Variants in CHRNA7 observed in about 807,000 individuals in gnomAD.
The protein encoded by CHRNA7 is neuronal acetylcholine receptor subunit alpha-7.
Under a neutral mutation model 48.0 loss-of-function variants are expected in CHRNA7, and 17 were observed. The observed-to-expected ratio is 0.35, with a 90% CI of 0.24 to 0.53. The LOEUF is 0.53. Among genes scored for constraint, CHRNA7 ranks in the 20% least tolerant of loss-of-function variants. The pLI, the probability that CHRNA7 is intolerant of heterozygous loss-of-function variation, is 0.92. For missense variants in CHRNA7, 155 were observed against 577.7 expected (o/e 0.27, Z 7.50); for synonymous variants, 75 against 242.3 (o/e 0.31, Z 6.41).
At chr15:32,076,799 G>T (rs2050142565) in intron 2 of CHRNA7, among the ~76,000 whole-genome samples, 1 of 152,040 alleles carries the variant, frequency 6.6e-6, no homozygotes, top group Non-Finnish European at 1.5e-5. Flanking sequence ...AAAATTCATA[G>T]TTTACATTAG....
chr15:32,065,266 C>T (rs1169100663), intron 2 of CHRNA7, among the ~76,000 whole-genome samples: 1 of 152,180 alleles, frequency 6.6e-6, no homozygotes, highest in African/African-American at 2.4e-5. Flanking sequence ...ATGATGAAAC[C>T]ATCAGCCTTT....
At chr15:32,063,685 C>T (rs1316791155) in intron 2 of CHRNA7, among the ~76,000 whole-genome samples, 1 of 152,188 alleles carries the variant, frequency 6.6e-6, no homozygotes, top group Non-Finnish European at 1.5e-5. Context: ...TCCAGTTCTC[C>T]AATCACTTGG....
At chr15:32,077,058 T>G (rs1411612183) in intron 2 of CHRNA7, among the ~76,000 whole-genome samples, 1 of 152,158 alleles carries the variant, frequency 6.6e-6, no homozygotes, top group Non-Finnish European at 1.5e-5. Flanking sequence ...GAATGTAGCC[T>G]TTTCAGATTT....
intron 2 of CHRNA7, chr15:32,099,387 A>AT (rs1376270748): frequency 3.3e-5 from 5 of 152,196 alleles, no homozygotes; most frequent in African/African-American, 7.2e-5. Flanking sequence ...CCTAACGGGT[A>AT]TCCCTGCATG....
rs750704767 is a variant in CHRNA7 at position 32,163,312 on chromosome 15, G to A, written c.967G>A (p.Asp323Asn). 10 of 782,014 alleles carry A rather than the reference G, an allele frequency of 1.3e-5. 4 individuals carry two copies. The highest frequency in any genetic ancestry group is 7.4e-5 in the Admixed American group (3 of 40,366). 48.4% of individuals were successfully genotyped at this position (782,014 alleles called of 1,614,324 possible). ...GCTGCAGTACCACCACCACGACCCC[G>A]ACGGGGGCAAGATGCCCAAGTGGGT... ...IVLQYHHHDPDGGKMPKWTRV... is the reference protein window; with the variant it reads ...IVLQYHHHDPNGGKMPKWTRV... Residue 323 changes from aspartate to asparagine, a missense_variant, in exon 9 of 10, where the codon GAC (aspartate) becomes AAC (asparagine). Asp to Asn is a conservative substitution (Grantham distance 23). Transcript: ENST00000306901.
At chr15:32,097,892 G>T (rs1355694174) in intron 2 of CHRNA7, among the ~76,000 whole-genome samples, 3 of 152,180 alleles carry the variant, frequency 2.0e-5, no homozygotes, top group Non-Finnish European at 4.4e-5. Flanking sequence ...TGGCAGGCTG[G>T]GGGCTCTGGC....
At chr15:32,099,737 A>G (rs1431519445) in intron 2 of CHRNA7, 1 of 152,234 alleles carries the variant, frequency 6.6e-6, no homozygotes, top group Non-Finnish European at 1.5e-5. Context: ...ATAATATTGG[A>G]GCTTGAACTG....
At chr15:32,036,959 T>C (rs1159333016) in intron 2 of CHRNA7, among the ~76,000 whole-genome samples, 1 of 152,212 alleles carries the variant, frequency 6.6e-6, no homozygotes, top group East Asian at 1.9e-4. Flanking sequence ...TTCAATTCTT[T>C]CTTTTATGGA....
chr15:32,123,901 C>T (rs558516512), intron 4 of CHRNA7, among the ~76,000 whole-genome samples: 13 of 150,848 alleles, frequency 8.6e-5, no homozygotes, highest in African/African-American at 3.2e-4. Flanking sequence ...AAGCTCCCCC[C>T]CGCCAAAAGA....
chr15:32,123,964 CAAAAAAAA>C (rs57791060), intron 4 of CHRNA7, among the ~76,000 whole-genome samples: 5 of 47,146 alleles, frequency 1.1e-4, no homozygotes, highest in Admixed American at 2.1e-4. Flanking sequence ...AAAATCTGGC[CAAAAAAAA>C]AAAAAAAAAA....
chr15:32,094,723 C>A (rs977819469), intron 2 of CHRNA7, among the ~76,000 whole-genome samples: 2 of 151,168 alleles, frequency 1.3e-5, no homozygotes, highest in African/African-American at 4.9e-5. Flanking sequence ...TGCAGTGGCA[C>A]GATCTCAGCT....
chr15:32,095,806 G>A (rs1432486703), intron 2 of CHRNA7, among the ~76,000 whole-genome samples: 2 of 152,162 alleles, frequency 1.3e-5, no homozygotes, highest in African/African-American at 4.8e-5. Flanking sequence ...ATTACCAAAG[G>A]GAATTATTTT....
intron 2 of CHRNA7, chr15:32,100,692 T>C (rs116300516): frequency 0.013 from 2,065 of 154,590 alleles, 50 homozygotes; most frequent in African/African-American, 0.047. Context: ...ACCTTTAGTT[T>C]ATCACCTGGG....
chr15:32,114,077 C>CAT (rs781409368), intron 4 of CHRNA7, among the ~76,000 whole-genome samples: 36 of 93,824 alleles, frequency 3.8e-4, no homozygotes, highest in African/African-American at 1.5e-3. Flanking sequence ...TATATATATA[C>CAT]ACATACATAC....
intron 3 of CHRNA7, among the ~76,000 whole-genome samples, chr15:32,106,624 A>G (rs2141270669): frequency 6.6e-6 from 1 of 152,286 alleles, no homozygotes; most frequent in South Asian, 2.1e-4. Flanking sequence ...ACATAATCTG[A>G]TTTAATCTAT....
At chr15:32,042,658 T>G (rs1420912024) in intron 2 of CHRNA7, among the ~76,000 whole-genome samples, 1 of 152,216 alleles carries the variant, frequency 6.6e-6, no homozygotes, top group Non-Finnish European at 1.5e-5. Context: ...TTTTGCTGAT[T>G]AGTCTCTGCT....
intron 2 of CHRNA7, among the ~76,000 whole-genome samples, chr15:32,066,042 T>C (rs565956464): frequency 1.3e-5 from 2 of 152,258 alleles, no homozygotes; most frequent in East Asian, 1.9e-4. Context: ...GAAGATGTGC[T>C]CCAGCACACA....
At chr15:32,037,723 A>G (rs1430086907) in intron 2 of CHRNA7, among the ~76,000 whole-genome samples, 3 of 152,144 alleles carry the variant, frequency 2.0e-5, no homozygotes, top group African/African-American at 7.2e-5. Context: ...GCCGAAATAT[A>G]GGAAAGCGAT....
At chr15:32,045,004 T>C (rs1164995264) in intron 2 of CHRNA7, among the ~76,000 whole-genome samples, 1 of 152,236 alleles carries the variant, frequency 6.6e-6, no homozygotes, top group Non-Finnish European at 1.5e-5. Flanking sequence ...AATTCTCTCA[T>C]TGTGTCTATC....
Sources: allele counts gnomAD v4.1 joint callset (sites outside exome capture counted in the v4.1 genomes callset), GRCh38; gene constraint gnomAD v4.1.1; transcripts MANE v1.5; gene names NCBI Gene and HGNC (gene_info 2026-07-23, HGNC 2026-07-21).